Variants in ROCK2 observed in about 807,000 individuals in gnomAD.
ROCK2 encodes the protein Rho associated coiled-coil containing protein kinase 2, also known as rho-associated protein kinase 2.
Under a neutral mutation model 195.1 loss-of-function variants are expected in ROCK2, and 61 were observed. The ratio of observed to expected loss-of-function variants is 0.31; its 90% CI spans 0.25 to 0.39. The LOEUF (loss-of-function observed/expected upper bound fraction) is 0.39. ROCK2 is among the 10% of genes least tolerant of loss of function. The pLI is 1.00. For missense variants in ROCK2, 1,109 were observed against 1,637.4 expected, an observed-to-expected ratio of 0.68 and a Z score of 5.57; for synonymous variants, 504 against 545.5, an observed-to-expected ratio of 0.92 and a Z score of 1.06.
In ROCK2 at chr2:11,311,141, C is replaced by A. The variant is rs550634935; in HGVS notation, c.142-23405G>T. Among the ~76,000 whole-genome samples the A allele has an allele frequency of 2.0e-5, 3 of 152,052 alleles. No individual in the cohort carries two copies. In the South Asian group the frequency reaches 6.2e-4, roughly 32 times the overall value. ...TACAGTGAAACACTTTTTAAAAAAA[C>A]AAACAATTCTTAGACAATCTGGAGA... On this transcript the variant is annotated intron_variant, in intron 1 of 32. Coordinates refer to ENST00000315872, the MANE Select transcript of ROCK2 (RefSeq NM_004850.5).
intron 4 of ROCK2, among the ~76,000 whole-genome samples, chr2:11,246,563 AT>A (rs1241121555): frequency 6.6e-6 from 1 of 152,202 alleles, no homozygotes; most frequent in East Asian, 1.9e-4. Context: ...CCGCAAATGA[AT>A]AAAAGTTTTT....
At position 11,192,132 on chromosome 2, in the gene ROCK2, C is replaced by T; in HGVS notation, c.4163+16G>A. On this transcript the variant is annotated intron_variant, in intron 32 of 32. Transcript: ENST00000315872. The surrounding 1 kb of genome is among the most constrained non-coding windows in gnomAD (Gnocchi z 5.0). ...ATAGACTTTTTTTTTTTCCTTACCA[C>T]ATTTTAGTTTATTACCTAGGTTTGT... 10 of 1,504,976 alleles carry T rather than the reference C, an allele frequency of 6.6e-6. No homozygotes were observed. The highest frequency in any genetic ancestry group is 9.0e-6 in the Non-Finnish European group (10 of 1,114,412). 93.2% of individuals were successfully genotyped at this position (1,504,976 alleles called of 1,614,324 possible).
intron 1 of ROCK2, among the ~76,000 whole-genome samples, chr2:11,329,337 A>G (rs1382914847): frequency 6.6e-6 from 1 of 152,108 alleles, no homozygotes; most frequent in Non-Finnish European, 1.5e-5. Flanking sequence ...TGTTGTAACT[A>G]GAGTCAAACT....
Position 11,182,568 on chromosome 2 carries a change from CTATT to C in ROCK2, c.*865_*868del, listed in dbSNP as rs1663045937. The C allele has an allele frequency of 6.6e-6, 1 of 152,328 alleles. No individual in the cohort carries two copies. Among genetic ancestry groups the C allele is most frequent in the African/African-American group, 2.4e-5 (1 of 41,422 alleles). The allele number at this position is 152,328 out of a possible 1,614,324, so 9.4% of individuals were successfully genotyped here. A position where few individuals can be genotyped will look rare whatever the true frequency, so the allele number is the denominator to read the frequency against. ...TCAAAATAGGCTGACATTGATATAA[CTATT>C]TATGTGTAAAAATAGTGCACGATTT... On this transcript the variant is annotated 3_prime_UTR_variant, in exon 33 of 33. Transcript: ENST00000315872.
At chr2:11,338,492 T>G (rs945352142) in intron 1 of ROCK2, among the ~76,000 whole-genome samples, 1 of 152,242 alleles carries the variant, frequency 6.6e-6, no homozygotes, top group African/African-American at 2.4e-5. Context: ...TTAGGCATTG[T>G]AAGTAATCTA....
intron 1 of ROCK2, among the ~76,000 whole-genome samples, chr2:11,300,958 C>T (rs918863042): frequency 6.6e-6 from 1 of 152,128 alleles, no homozygotes; most frequent in Non-Finnish European, 1.5e-5. Context: ...TGTATCTATA[C>T]CTCCTTGTGA....
chr2:11,274,759 G>A (rs558918814), intron 3 of ROCK2, among the ~76,000 whole-genome samples: 2 of 152,258 alleles, frequency 1.3e-5, no homozygotes, highest in African/African-American at 4.8e-5. Flanking sequence ...CTCATTCTAT[G>A]AGGCCAGCAT....
At chr2:11,200,195 C>T (rs886615292) in intron 23 of ROCK2, among the ~76,000 whole-genome samples, 4 of 152,144 alleles carry the variant, frequency 2.6e-5, no homozygotes, top group East Asian at 3.8e-4. Flanking sequence ...ACTCTAGATA[C>T]AAATCCCTTG....
At position 11,344,094 on chromosome 2, in the gene ROCK2, C is replaced by A; in HGVS notation, c.43G>T (p.Glu15Ter). ...PPTGKMPGAP[E>*]TAPGDGAGAS... ...CCTGCCCCGTCCCCCGGCGCGGTCT[C>A]GGGGGCGCCGGGCATTTTCCCCGTC... Residue 15 changes from glutamate (E) to a stop codon, truncating the protein, a stop_gained, in exon 1 of 33, where the codon GAG (glutamate) becomes TAG (stop). Transcript: ENST00000315872. LOFTEE classifies it high-confidence loss of function. This position sits in a 1 kb window ranked among gnomAD's most constrained non-coding sequence, Gnocchi z 5.4. 1 of 1,523,270 alleles carries A rather than the reference C, an allele frequency of 6.6e-7. No individual in the cohort carries two copies. Among genetic ancestry groups the A allele is most frequent in the South Asian group, 1.2e-5 (1 of 81,630 alleles). The allele number at this position is 1,523,270 out of a possible 1,614,324, so 94.4% of individuals were successfully genotyped here.
At chr2:11,291,937 T>C (rs1352411161) in intron 1 of ROCK2, among the ~76,000 whole-genome samples, 1 of 152,132 alleles carries the variant, frequency 6.6e-6, no homozygotes, top group African/African-American at 2.4e-5. Context: ...TCATGGCATC[T>C]TAGAAGCCAG....
intron 3 of ROCK2, among the ~76,000 whole-genome samples, chr2:11,281,474 A>G (rs1667000292): frequency 6.6e-6 from 1 of 152,216 alleles, no homozygotes; most frequent in South Asian, 2.1e-4. Context: ...TATGTAGAGG[A>G]TTCGAAAGTT....
At chr2:11,308,455 T>G in intron 1 of ROCK2, 4 of 1,606,450 alleles carry the variant, frequency 2.5e-6, no homozygotes, top group Non-Finnish European at 3.4e-6. Flanking sequence ...CAGGGTCTCC[T>G]GATTCTTTTC....
rs118087353 is a variant in ROCK2 at position 11,201,867 on chromosome 2, T to C, written c.2619+185A>G. Among the ~76,000 whole-genome samples, 3 of 152,362 alleles carry C rather than the reference T, an allele frequency of 2.0e-5. No homozygotes were observed. The East Asian group carries it at 5.8e-4, about 29-fold the overall frequency. On this transcript the variant is annotated intron_variant, in intron 21 of 32. Coordinates refer to ENST00000315872, the MANE Select transcript of ROCK2 (RefSeq NM_004850.5). This position sits in a 1 kb window ranked among gnomAD's most constrained non-coding sequence, Gnocchi z 4.6. ...TATTTTCTTCCTGAAAACAATGCTGTTAATCAGCTTCACCAGGTATGTTTT... is the reference window on the plus strand; with the variant it reads ...TATTTTCTTCCTGAAAACAATGCTGCTAATCAGCTTCACCAGGTATGTTTT...
chr2:11,221,430 T>G, intron 8 of ROCK2, 73 bp from the exon 9 acceptor site: 2 of 1,004,994 alleles, frequency 2.0e-6, no homozygotes, highest in Non-Finnish European at 1.4e-6. Context: ...TATTATGATG[T>G]ATTATTTATT....
intron 1 of ROCK2, among the ~76,000 whole-genome samples, chr2:11,292,095 G>A (rs1300832972): frequency 6.6e-6 from 1 of 151,954 alleles, no homozygotes; most frequent in Non-Finnish European, 1.5e-5. Flanking sequence ...TGGATTACAA[G>A]TTTATTATTT....
intron 1 of ROCK2, among the ~76,000 whole-genome samples, chr2:11,314,168 T>C (rs778882039): frequency 5.9e-5 from 9 of 151,964 alleles, no homozygotes; most frequent in Admixed American, 3.3e-4. Context: ...TTTATAATGA[T>C]ACCAGAAAAA....
At chr2:11,343,881 C>G in intron 1 of ROCK2, 115 bp downstream of exon 1, 1 of 1,303,262 alleles carries the variant, frequency 7.7e-7, no homozygotes, top group Non-Finnish European at 1.0e-6. Context: ...GGAAGCAGGG[C>G]GGGGTGGGGC....
In ROCK2 at chr2:11,235,975, AG is replaced by A. The variant is rs751057737; in HGVS notation, c.463-14del. Reference sequence around the variant, plus strand: ...AGGCATAAAAAAGCTGGAAAACAAAAGGAAAAGGAAAAATTTTTAAAAACCC... The same window carrying A: ...AGGCATAAAAAAGCTGGAAAACAAAAGAAAAGGAAAAATTTTTAAAAACCC... On this transcript the variant is annotated splice_polypyrimidine_tract_variant and intron_variant, in intron 4 of 32. Transcript: ENST00000315872. The surrounding 1 kb of genome is among the most constrained non-coding windows in gnomAD (Gnocchi z 4.2). 1.4e-6 allele frequency: 2 copies of A among 1,423,182 alleles called. No individual in the cohort carries two copies. Among genetic ancestry groups the A allele is most frequent in the African/African-American group, 2.9e-5 (2 of 69,632 alleles). The allele number at this position is 1,423,182 out of a possible 1,614,324, so 88.2% of individuals were successfully genotyped here.
chr2:11,271,119 G>C (rs773562099), intron 3 of ROCK2, among the ~76,000 whole-genome samples: 1 of 152,084 alleles, frequency 6.6e-6, no homozygotes, highest in East Asian at 1.9e-4. Context: ...GTGTGGGCTG[G>C]AGTTGTGTAT....
Sources: allele counts gnomAD v4.1 joint callset (sites outside exome capture counted in the v4.1 genomes callset), GRCh38; gene constraint gnomAD v4.1.1; non-coding constraint Gnocchi (gnomAD v3.1); transcripts MANE v1.5; gene names NCBI Gene and HGNC (gene_info 2026-07-23, HGNC 2026-07-21).